Variants in DNAJC12 observed in about 807,000 individuals in gnomAD.
The protein encoded by DNAJC12 is dnaJ homolog subfamily C member 12.
Under a neutral mutation model 28.5 loss-of-function variants are expected in DNAJC12, and 25 were observed. The ratio of observed to expected loss-of-function variants is 0.88; its 90% confidence interval spans 0.64 to 1.22. The LOEUF (loss-of-function observed/expected upper bound fraction) is 1.22, where lower values mean the gene tolerates loss of function less well. DNAJC12 is among the 50% of genes most tolerant of loss of function. The pLI is 0.00. For synonymous variants in DNAJC12, 77 were observed against 80.6 expected (o/e 0.95, Z 0.24); for missense variants, 222 against 231.7 (o/e 0.96, Z 0.27).
intron 2 of DNAJC12, among the ~76,000 whole-genome samples, chr10:67,815,508 C>CAAAAAAAAAAAAAA (rs762037586): frequency 3.0e-5 from 2 of 65,770 alleles, no homozygotes; most frequent in African/African-American, 1.1e-4. Flanking sequence ...TACTTCGTCT[C>CAAAAAAAAAAAAAA]AAAAAAAAAA....
intron 4 of DNAJC12, among the ~76,000 whole-genome samples, chr10:67,800,673 C>T (rs368257985): frequency 7.2e-5 from 11 of 152,082 alleles, no homozygotes; most frequent in African/African-American, 2.2e-4. Flanking sequence ...TGGTGGGACG[C>T]GGCGGCTCAT....
intron 3 of DNAJC12, among the ~76,000 whole-genome samples, chr10:67,810,412 C>T (rs940166901): frequency 2.6e-5 from 4 of 152,262 alleles, no homozygotes; most frequent in South Asian, 2.1e-4. Context: ...GGCTGTGGCT[C>T]GTTTGAGGAA....
In DNAJC12 at chr10:67,805,602, C is replaced by G; in HGVS notation, c.483G>C (p.Pro161=). The G allele has an allele frequency of 6.2e-7, 1 of 1,608,186 alleles. No homozygotes were observed. The highest frequency in any genetic ancestry group is 1.7e-5 in the Admixed American group (1 of 58,322). The change falls in exon 4 of 5, where the codon CCG becomes CCC. Residue 161 remains proline, a synonymous_variant. Transcript: ENST00000225171. ...EPKPLEKSVS[P]QNSDSSGFAD... is the part of the protein sequence containing the mutation. ...ACTTACCTGAAGAATCTGAATTTTG[C>G]GGGGAGACTGACTTCTCTAGGGGCT...
chr10:67,824,324 A>T (rs976620237), intron 1 of DNAJC12, among the ~76,000 whole-genome samples: 10 of 151,982 alleles, frequency 6.6e-5, no homozygotes, highest in Non-Finnish European at 1.5e-4. Context: ...TTCTTCAAAG[A>T]TGCTTAGCCA....
intron 2 of DNAJC12, among the ~76,000 whole-genome samples, chr10:67,817,252 T>C (rs1841925392): frequency 1.3e-5 from 2 of 152,180 alleles, no homozygotes; most frequent in Non-Finnish European, 2.9e-5. Flanking sequence ...TGAAGTAATA[T>C]ACTACTAGTC....
intron 2 of DNAJC12, among the ~76,000 whole-genome samples, chr10:67,813,231 T>G (rs1321561274): frequency 6.6e-6 from 1 of 151,010 alleles, no homozygotes; most frequent in Non-Finnish European, 1.5e-5. Context: ...GGCATGGCGG[T>G]GGGCGCCTGT....
chr10:67,821,453 T>G (rs1589609982), intron 2 of DNAJC12, among the ~76,000 whole-genome samples: 1 of 151,984 alleles, frequency 6.6e-6, no homozygotes, highest in Non-Finnish European at 1.5e-5. Context: ...GAGGCAGAGG[T>G]TGCAGTGAGC....
At chr10:67,821,824 T>A (rs1276563971) in intron 2 of DNAJC12, among the ~76,000 whole-genome samples, 1 of 151,976 alleles carries the variant, frequency 6.6e-6, no homozygotes, top group Non-Finnish European at 1.5e-5. Context: ...GAAAGGTAAA[T>A]CAACAGTGTT....
intron 1 of DNAJC12, chr10:67,833,883 T>C: frequency 2.1e-6 from 1 of 482,990 alleles, no homozygotes; most frequent in East Asian, 5.9e-5. Flanking sequence ...TCAAAGTCTA[T>C]CAAAATCTGC....
intron 2 of DNAJC12, among the ~76,000 whole-genome samples, chr10:67,821,023 T>C (rs1841976759): frequency 1.3e-5 from 2 of 151,440 alleles, no homozygotes; most frequent in South Asian, 4.2e-4. Flanking sequence ...CCTCAGGTGG[T>C]CCACCCACCT....
chr10:67,828,355 T>C (rs1842058232), intron 1 of DNAJC12, among the ~76,000 whole-genome samples: 1 of 152,182 alleles, frequency 6.6e-6, no homozygotes, highest in Non-Finnish European at 1.5e-5. Flanking sequence ...GTAGATCAGC[T>C]CCATGTCATC....
At chr10:67,798,467 C>T (rs1159254723) in intron 4 of DNAJC12, among the ~76,000 whole-genome samples, 2 of 151,888 alleles carry the variant, frequency 1.3e-5, no homozygotes, top group Non-Finnish European at 2.9e-5. Flanking sequence ...CTCTCTTGAG[C>T]TCAGGAGTTC....
chr10:67,805,608 G>A lies in DNAJC12; in HGVS notation c.477C>T (p.Val159=). ...QKEPKPLEKS[V]SPQNSDSSGF... ...CTGAAGAATCTGAATTTTGCGGGGA[G>A]ACTGACTTCTCTAGGGGCTTGGGTT... Residue 159 remains valine (V), a synonymous_variant, in exon 4 of 5, where the codon GTC becomes GTT. Coordinates refer to ENST00000225171, the MANE Select transcript of DNAJC12 (RefSeq NM_021800.3). The A allele has an allele frequency of 6.2e-7, 1 of 1,610,192 alleles. No homozygotes were observed. Among genetic ancestry groups the A allele is most frequent in the Non-Finnish European group, 8.5e-7 (1 of 1,178,898 alleles).
At chr10:67,829,930 G>GT (rs775129316) in intron 1 of DNAJC12, among the ~76,000 whole-genome samples, 5 of 151,960 alleles carry the variant, frequency 3.3e-5, no homozygotes, top group African/African-American at 4.8e-5. Flanking sequence ...ATAATAATAT[G>GT]TAAGTATTAT....
chr10:67,811,777 C>A, intron 2 of DNAJC12, 114 bp from the exon 3 acceptor site: 1 of 1,483,282 alleles, frequency 6.7e-7, no homozygotes, highest in Non-Finnish European at 8.9e-7. Context: ...GCTATGTGAC[C>A]TTGGGCCAAT....
intron 1 of DNAJC12, among the ~76,000 whole-genome samples, chr10:67,829,758 A>G (rs1842075082): frequency 6.6e-6 from 1 of 152,210 alleles, no homozygotes; most frequent in African/African-American, 2.4e-5. Flanking sequence ...ATGTCCAATA[A>G]TAGGATGTTT....
At chr10:67,806,757 G>A (rs976255755) in intron 3 of DNAJC12, among the ~76,000 whole-genome samples, 34 of 150,986 alleles carry the variant, frequency 2.3e-4, no homozygotes, top group African/African-American at 7.8e-4. Context: ...CCCAGGAGGT[G>A]GAGGTTGCAG....
intron 1 of DNAJC12, among the ~76,000 whole-genome samples, chr10:67,826,079 C>A (rs1589611705): frequency 6.6e-6 from 1 of 152,002 alleles, no homozygotes; most frequent in African/African-American, 2.4e-5. Context: ...TCCTTTTATT[C>A]CTCATCCAAG....
chr10:67,819,275 G>C (rs962177397), intron 2 of DNAJC12, among the ~76,000 whole-genome samples: 1 of 151,970 alleles, frequency 6.6e-6, no homozygotes, highest in Non-Finnish European at 1.5e-5. Context: ...GGAGCTTGCA[G>C]TGAACCAAGA....
Sources: gnomAD v4.1 joint callset for allele counts (sites outside exome capture counted in the v4.1 genomes callset) on GRCh38, gnomAD v4.1.1 for gene constraint, MANE v1.5 for transcripts, NCBI Gene and HGNC (gene_info 2026-07-23, HGNC 2026-07-21) for gene names.